The following FGD3 variants were observed in gnomAD, a reference collection of about 807,000 sequenced individuals.
FGD3 encodes FYVE, RhoGEF and PH domain-containing protein 3.
Under a neutral mutation model 71.8 loss-of-function variants are expected in FGD3, and 45 were observed. That is an observed-to-expected ratio of 0.63 (90% CI 0.49 to 0.80). The LOEUF (loss-of-function observed/expected upper bound fraction) is 0.80, where lower values mean the gene tolerates loss of function less well. FGD3 is among the 30% of genes least tolerant of loss of function. FGD3 has a pLI of 0.00. For synonymous variants in FGD3, 378 were observed against 392.8 expected, an observed-to-expected ratio of 0.96 and a Z score of 0.44; for missense variants, 844 against 951.5, an observed-to-expected ratio of 0.89 and a Z score of 1.49.
At chr9:93,032,723 C>A in intron 15 of FGD3, 46 bp from the exon 16 acceptor site, 1 of 1,577,998 alleles carries the variant, frequency 6.3e-7, no homozygotes, top group Non-Finnish European at 8.7e-7. Flanking sequence ...CCTGGATAAT[C>A]CTCTGTCCCA....
At position 92,954,677 on chromosome 9, in the gene FGD3, G is replaced by C. The variant is rs538117980; in HGVS notation, c.-218+6948G>C. ...CAGCAAATGGTTGTTGACTGACTGA[G>C]TGACCGCACTTTGGCCTCTCTGAAC... On this transcript the variant is annotated intron_variant, in intron 1 of 17. Coordinates refer to ENST00000375482, the MANE Select transcript of FGD3 (RefSeq NM_001083536.2). Among the ~76,000 whole-genome samples the C allele has an allele frequency of 6.8e-4, 103 of 152,314 alleles. 1 individual carries two copies. Among genetic ancestry groups the C allele is most frequent in the African/African-American group, 2.0e-3 (83 of 41,580 alleles).
rs778590186 is a variant in FGD3 at position 93,018,148 on chromosome 9, G to T, written c.1288G>T (p.Val430Phe). 6.2e-7 allele frequency: 1 copy of T among 1,614,092 alleles called. No individual in the cohort carries two copies. The highest frequency in any genetic ancestry group is 8.5e-7 in the Non-Finnish European group (1 of 1,179,988). ...DISGLQVQDI[V>F]KPNTAHTFII... ...CTTGCCCCTTCAGGTGCAGGATATC[G>T]TCAAGCCAAACACAGCACATACATT... Residue 430 changes from valine (V) to phenylalanine (F), a missense_variant, in exon 11 of 18, where the codon GTC becomes TTC. By Grantham distance (50) the Val-to-Phe change is conservative. Coordinates refer to ENST00000375482, the MANE Select transcript of FGD3 (RefSeq NM_001083536.2).
chr9:93,016,726 G>A (rs956385133), intron 10 of FGD3, among the ~76,000 whole-genome samples: 7 of 151,606 alleles, frequency 4.6e-5, no homozygotes, highest in Admixed American at 3.3e-4. Context: ...TAGGTTCAAG[G>A]GATTCTCCTG....
rs572274726 is a variant in FGD3 at position 93,015,933 on chromosome 9, T to C, written c.1275+104T>C. ...CTGAGGCACTCACCTCTGTGCAGCC[T>C]GGCACCCCTACCTGCTTTTCCAAGC... On this transcript the variant is annotated intron_variant, in intron 10 of 17. Transcript: ENST00000375482. 23 of 990,824 alleles carry C rather than the reference T, an allele frequency of 2.3e-5. No individual in the cohort carries two copies. In the Admixed American group the frequency reaches 4.2e-4, roughly 18 times the overall value. 61.4% of individuals were successfully genotyped at this position (990,824 alleles called of 1,614,324 possible).
At chr9:93,013,776 G>T (rs1388689043) in intron 8 of FGD3, 76 bp from the exon 9 acceptor site, 2 of 1,582,244 alleles carry the variant, frequency 1.3e-6, no homozygotes, top group Admixed American at 1.8e-5. Context: ...ACGGTTGCAG[G>T]GAAGGACTCC....
At chr9:93,027,715 C>CTTTTTTTTTTTTTTTTTTTTTTTTT (rs1199094054) in intron 14 of FGD3, among the ~76,000 whole-genome samples, 1 of 102,002 alleles carries the variant, frequency 9.8e-6, no homozygotes, top group African/African-American at 4.0e-5. Context: ...TTCTTTCTTT[C>CTTTTTTTTTTTTTTTTTTTTTTTTT]TTTTTTTTTT....
At chr9:92,993,238 T>A (rs1860491365) in intron 3 of FGD3, among the ~76,000 whole-genome samples, 1 of 152,188 alleles carries the variant, frequency 6.6e-6, no homozygotes, top group Non-Finnish European at 1.5e-5. Flanking sequence ...TAGGGGGGAC[T>A]GTAGGTGTAC....
intron 1 of FGD3, among the ~76,000 whole-genome samples, chr9:92,967,394 C>T (rs796204307): frequency 4.6e-5 from 7 of 152,316 alleles, no homozygotes; most frequent in African/African-American, 1.7e-4. Context: ...TAAACCCTCT[C>T]CATTCCCTCC....
At chr9:93,012,793 T>G (rs779717435) in intron 8 of FGD3, among the ~76,000 whole-genome samples, 2 of 152,094 alleles carry the variant, frequency 1.3e-5, no homozygotes, top group Non-Finnish European at 2.9e-5. Flanking sequence ...ATTCACTCAC[T>G]AAAGCTGCAT....
At chr9:93,004,272 G>A (rs1860968262) in intron 5 of FGD3, 135 bp downstream of exon 5, 2 of 1,162,200 alleles carry the variant, frequency 1.7e-6, no homozygotes, top group South Asian at 2.9e-5. Flanking sequence ...CACGGTCCTG[G>A]GTCCGATCCA....
chr9:93,013,873 G>A lies in FGD3; in HGVS notation c.1057G>A (p.Glu353Lys). ...GCAGGAGAAAATGCACAAGCTCTTG[G>A]AGGTGTACGAGCAGCTGGGTGGGGA... The part of the protein sequence containing the change: ...RKVEKMHKLL[E>K]VYEQLGGEED... The change falls in exon 9 of 18, where the codon GAG (glutamate) becomes AAG (lysine). Residue 353 changes from glutamate (E) to lysine (K), a missense_variant. Transcript: ENST00000375482. 1.2e-6 allele frequency: 2 copies of A among 1,612,944 alleles called. No homozygotes were observed. The highest frequency in any genetic ancestry group is 8.5e-7 in the Non-Finnish European group (1 of 1,179,610).
chr9:93,009,310 T>C (rs1861203076), intron 6 of FGD3, among the ~76,000 whole-genome samples: 1 of 152,142 alleles, frequency 6.6e-6, no homozygotes, highest in African/African-American at 2.4e-5. Flanking sequence ...ATTATGTGAA[T>C]ATCTTGACAG....
intron 3 of FGD3, among the ~76,000 whole-genome samples, chr9:92,983,758 C>T (rs1860085931): frequency 6.6e-6 from 1 of 152,164 alleles, no homozygotes; most frequent in African/African-American, 2.4e-5. Context: ...ATTTCTTTTA[C>T]AAGATTAATT....
chr9:92,995,118 C>T (rs1301926963), intron 3 of FGD3, among the ~76,000 whole-genome samples: 1 of 151,438 alleles, frequency 6.6e-6, no homozygotes, highest in Non-Finnish European at 1.5e-5. Flanking sequence ...ATGGAATGTT[C>T]TTCCATTTGT....
At chr9:92,975,797 A>C (rs534732015) in intron 2 of FGD3, among the ~76,000 whole-genome samples, 1 of 152,156 alleles carries the variant, frequency 6.6e-6, no homozygotes, top group South Asian at 2.1e-4. Flanking sequence ...GAGGAGGAGG[A>C]GGACACCGGC....
chr9:93,022,511 T>A, intron 14 of FGD3, 122 bp downstream of exon 14: 2 of 1,014,502 alleles, frequency 2.0e-6, no homozygotes, highest in Non-Finnish European at 2.9e-6. Context: ...GGCGGAGGGC[T>A]GAGGGGCCAG....
At chr9:93,033,478 T>G (rs1226539179) in intron 16 of FGD3, 1 of 148,290 alleles carries the variant, frequency 6.7e-6, no homozygotes, top group Admixed American at 6.4e-5. Flanking sequence ...CTCCTCCTCC[T>G]TTCTCTCCCT....
chr9:93,034,397 G>A, intron 16 of FGD3, 144 bp from the exon 17 acceptor site: 1 of 1,110,900 alleles, frequency 9.0e-7, no homozygotes, highest in Non-Finnish European at 1.3e-6. Flanking sequence ...GGGTGAGGCT[G>A]GTCCCAGTCT....
At chr9:92,965,022 C>T (rs758200730) in intron 1 of FGD3, among the ~76,000 whole-genome samples, 6 of 152,244 alleles carry the variant, frequency 3.9e-5, no homozygotes, top group Non-Finnish European at 8.8e-5. Flanking sequence ...CTCCTCAGCA[C>T]CCCGTGCTGT....
Sources: allele counts gnomAD v4.1 joint callset (sites outside exome capture counted in the v4.1 genomes callset), GRCh38; gene constraint gnomAD v4.1.1; transcripts MANE v1.5; gene names NCBI Gene and HGNC (gene_info 2026-07-23, HGNC 2026-07-21).